The following TNFSF13B variants were observed in gnomAD, a reference collection of about 807,000 sequenced individuals.
The protein encoded by TNFSF13B is TNF superfamily member 13b, also known as tumor necrosis factor ligand superfamily member 13B.
Under a neutral mutation model 29.1 loss-of-function variants are expected in TNFSF13B, and 8 were observed. That is an observed-to-expected ratio of 0.27 (90% CI 0.16 to 0.50). The LOEUF (loss-of-function observed/expected upper bound fraction) is 0.50, where lower values mean the gene tolerates loss of function less well. TNFSF13B is among the 20% of genes least tolerant of loss of function. TNFSF13B has a pLI of 0.98. For synonymous variants in TNFSF13B, 125 were observed against 130.8 expected (o/e 0.96, Z 0.30); for missense variants, 248 against 334.9 (o/e 0.74, Z 2.03).
chr13:108,286,717 T>C lies in TNFSF13B; in HGVS notation c.425-86T>C, dbSNP rs937086157. On this transcript the variant is annotated intron_variant, in intron 2 of 5. Transcript: ENST00000375887. ...AAAAGTATAATTGATTTAGTGTTTC[T>C]GGAAGAGTGGGTTTCTAGCTTTGTG... 3.8e-6 allele frequency: 3 copies of C among 783,232 alleles called. No homozygotes were observed. The African/African-American group carries it at 5.3e-5, about 14-fold the overall frequency. 48.5% of individuals were successfully genotyped at this position (783,232 alleles called of 1,614,324 possible).
chr13:108,275,281 T>C (rs1880732959), intron 2 of TNFSF13B, among the ~76,000 whole-genome samples: 1 of 152,092 alleles, frequency 6.6e-6, no homozygotes. Flanking sequence ...ATCACTTAAC[T>C]ATAATTTTAT....
At chr13:108,291,317 G>A (rs917312193) in intron 3 of TNFSF13B, among the ~76,000 whole-genome samples, 2 of 151,482 alleles carry the variant, frequency 1.3e-5, no homozygotes, top group African/African-American at 4.8e-5. Flanking sequence ...TATAAATTAA[G>A]AAAAATACCC....
chr13:108,272,903 A>G (rs987083981), intron 2 of TNFSF13B, among the ~76,000 whole-genome samples: 1 of 152,120 alleles, frequency 6.6e-6, no homozygotes, highest in South Asian at 2.1e-4. Context: ...TAAGAAGAAA[A>G]GAATAATAGA....
intron 3 of TNFSF13B, among the ~76,000 whole-genome samples, chr13:108,289,190 A>G (rs1267940848): frequency 1.3e-5 from 2 of 151,912 alleles, no homozygotes; most frequent in Non-Finnish European, 2.9e-5. Flanking sequence ...TATAAATTGC[A>G]CCAAATTATG....
intron 3 of TNFSF13B, among the ~76,000 whole-genome samples, chr13:108,287,950 A>T (rs1437390467): frequency 1.3e-5 from 2 of 152,194 alleles, no homozygotes; most frequent in Non-Finnish European, 2.9e-5. Context: ...CCTTGAAATA[A>T]GAGTTTCAGT....
At position 108,286,860 on chromosome 13, in the gene TNFSF13B, G is replaced by A; in HGVS notation, c.481+1G>A. 2 of 1,558,594 alleles carry A rather than the reference G, an allele frequency of 1.3e-6. No homozygotes were observed. Among genetic ancestry groups the A allele is most frequent in the Non-Finnish European group, 1.7e-6 (2 of 1,147,016 alleles). ...AGTGAAACACCAACTATACAAAAAGGTAATAAAATATAGCAAAGACTTGGA... is the reference window on the plus strand; with the variant it reads ...AGTGAAACACCAACTATACAAAAAGATAATAAAATATAGCAAAGACTTGGA... On this transcript the variant is annotated splice_donor_variant, in intron 3 of 5. Coordinates refer to ENST00000375887, the MANE Select transcript of TNFSF13B (RefSeq NM_006573.5). LOFTEE classifies it high-confidence loss of function.
At position 108,276,531 on chromosome 13, in the gene TNFSF13B, G is replaced by A. The variant is rs181184745; in HGVS notation, c.424+6107G>A. Among the ~76,000 whole-genome samples the A allele has an allele frequency of 4.3e-3, 657 of 152,210 alleles. 2 individuals are homozygous for A. Among genetic ancestry groups the A allele is most frequent in the Non-Finnish European group, 7.0e-3 (473 of 68,016 alleles). ...CTCTTTTACACAATCTTACATTATC[G>A]TGAGTTGAAGAGAAACAGAAAAATG... On this transcript the variant is annotated intron_variant, in intron 2 of 5. Coordinates refer to ENST00000375887, the MANE Select transcript of TNFSF13B (RefSeq NM_006573.5).
rs751366852 is a variant in TNFSF13B at position 108,270,259 on chromosome 13, G to T, written c.339+25G>T. 3 of 1,610,824 alleles carry T rather than the reference G, an allele frequency of 1.9e-6. No individual in the cohort carries two copies. In the African/African-American group the frequency reaches 4.0e-5, roughly 22 times the overall value. ...AGTGAGTTTGCAGCAGCTGCAAGAC[G>T]CAGGCAAGATCCTGCCTACACTGCT... is the stretch of plus-strand genomic sequence containing the variant. On this transcript the variant is annotated intron_variant, in intron 1 of 5. Transcript: ENST00000375887.
intron 2 of TNFSF13B, among the ~76,000 whole-genome samples, chr13:108,272,222 A>T (rs1326174272): frequency 6.6e-6 from 1 of 152,116 alleles, no homozygotes; most frequent in Admixed American, 6.5e-5. Context: ...ATTTTTATTT[A>T]TAACTGTCTC....
intron 2 of TNFSF13B, among the ~76,000 whole-genome samples, chr13:108,282,836 A>T (rs561112229): frequency 6.6e-6 from 1 of 152,276 alleles, no homozygotes; most frequent in South Asian, 2.1e-4. Context: ...TGCCTTGCTT[A>T]GTTAAAAGAA....
At chr13:108,280,716 CT>C (rs148214282) in intron 2 of TNFSF13B, among the ~76,000 whole-genome samples, 5,981 of 142,568 alleles carry the variant, frequency 0.042, 201 homozygotes, top group Admixed American at 0.11. Flanking sequence ...CATGATAATG[CT>C]TTTTTTTTTT....
chr13:108,282,863 T>C (rs1880995291), intron 2 of TNFSF13B, among the ~76,000 whole-genome samples: 1 of 151,882 alleles, frequency 6.6e-6, no homozygotes, highest in South Asian at 2.1e-4. Flanking sequence ...ATAACAAACA[T>C]AAAAAAAACT....
At chr13:108,281,536 A>T (rs1445977042) in intron 2 of TNFSF13B, among the ~76,000 whole-genome samples, 1 of 152,186 alleles carries the variant, frequency 6.6e-6, no homozygotes, top group Non-Finnish European at 1.5e-5. Flanking sequence ...TTTTCCCAGT[A>T]GATCACTGAG....
intron 2 of TNFSF13B, among the ~76,000 whole-genome samples, chr13:108,281,748 T>C (rs565457200): frequency 6.6e-6 from 1 of 152,352 alleles, no homozygotes; most frequent in East Asian, 1.9e-4. Context: ...CTTTTTTAAG[T>C]AAGCAACCAA....
intron 2 of TNFSF13B, among the ~76,000 whole-genome samples, chr13:108,272,595 G>A (rs1880650163): frequency 1.3e-5 from 2 of 151,792 alleles, no homozygotes; most frequent in Non-Finnish European, 2.9e-5. Context: ...TCAACCAAAT[G>A]TATTAAATAG....
At chr13:108,280,455 C>T (rs1199342539) in intron 2 of TNFSF13B, among the ~76,000 whole-genome samples, 1 of 152,148 alleles carries the variant, frequency 6.6e-6, no homozygotes, top group African/African-American at 2.4e-5. Context: ...TTCATACATT[C>T]AACTGTTTTT....
At chr13:108,304,145 G>A (rs1015708635) in intron 5 of TNFSF13B, among the ~76,000 whole-genome samples, 6 of 152,132 alleles carry the variant, frequency 3.9e-5, no homozygotes, top group South Asian at 2.1e-4. Flanking sequence ...GTCTGGCTCC[G>A]CACCGGGAGC....
At chr13:108,301,348 A>G (rs1045816537) in intron 3 of TNFSF13B, 4 of 152,198 alleles carry the variant, frequency 2.6e-5, no homozygotes, top group Non-Finnish European at 5.9e-5. Context: ...ACTGTACTTC[A>G]ATGTTTATTG....
chr13:108,305,180 G>T (rs575423890), intron 5 of TNFSF13B, among the ~76,000 whole-genome samples: 50 of 152,026 alleles, frequency 3.3e-4, no homozygotes, highest in African/African-American at 1.1e-3. Context: ...GTAAGTTTCA[G>T]GTTTGCAATT....
Sources: allele counts gnomAD v4.1 joint callset (sites outside exome capture counted in the v4.1 genomes callset), GRCh38; gene constraint gnomAD v4.1.1; transcripts MANE v1.5; gene names NCBI Gene and HGNC (gene_info 2026-07-23, HGNC 2026-07-21).